MROH1: variants seen among roughly 807,000 people sequenced by gnomAD.
MROH1 encodes maestro heat like repeat family member 1.
Under a neutral mutation model 116.5 loss-of-function variants are expected in MROH1, and 117 were observed. That is an observed-to-expected ratio of 1.00 (90% CI 0.86 to 1.17). The LOEUF is 1.17. MROH1 is among the 50% of genes most tolerant of loss of function. The pLI, the probability that MROH1 is intolerant of heterozygous loss-of-function variation, is 0.00. For missense variants in MROH1, 1,873 were observed against 1,338.5 expected (o/e 1.40, Z -6.23); for synonymous variants, 921 against 583.9 (o/e 1.58, Z -8.32).
intron 12 of MROH1, among the ~76,000 whole-genome samples, chr8:144,215,241 T>C (rs867243967): frequency 2.9e-4 from 44 of 152,248 alleles, no homozygotes; most frequent in African/African-American, 1.0e-3. Flanking sequence ...TGATTGTCTG[T>C]AATCTAAAAA....
intron 7 of MROH1, among the ~76,000 whole-genome samples, chr8:144,187,147 A>G (rs1051594283): frequency 2.0e-5 from 3 of 152,032 alleles, no homozygotes; most frequent in Admixed American, 1.3e-4. Context: ...ATGGTGGCCT[A>G]CGCCTGTAAT....
At chr8:144,216,862 G>C (rs1486152817) in intron 12 of MROH1, among the ~76,000 whole-genome samples, 2 of 151,974 alleles carry the variant, frequency 1.3e-5, no homozygotes, top group Admixed American at 6.6e-5. Context: ...GCTAATTTTT[G>C]TATCTTTAGT....
intron 35 of MROH1, among the ~76,000 whole-genome samples, chr8:144,258,499 C>T (rs983756134): frequency 3.9e-5 from 6 of 152,186 alleles, no homozygotes; most frequent in African/African-American, 1.4e-4. Flanking sequence ...AGCCAGAGGG[C>T]TTTGCCTGTG....
At chr8:144,196,482 G>C (rs970000379) in intron 10 of MROH1, among the ~76,000 whole-genome samples, 1 of 150,850 alleles carries the variant, frequency 6.6e-6, no homozygotes, top group Non-Finnish European at 1.5e-5. Context: ...TCAGCCTCCC[G>C]AGTAGCTGGG....
chr8:144,196,116 C>T (rs1829832333), intron 10 of MROH1, among the ~76,000 whole-genome samples: 1 of 151,658 alleles, frequency 6.6e-6, no homozygotes, highest in Admixed American at 6.6e-5. Flanking sequence ...TAGTGAAACC[C>T]TGTCTCTACT....
intron 12 of MROH1, among the ~76,000 whole-genome samples, chr8:144,209,329 C>T (rs1016145894): frequency 6.6e-6 from 1 of 151,866 alleles, no homozygotes; most frequent in Non-Finnish European, 1.5e-5. Flanking sequence ...GCCTGTAATC[C>T]CGGCACTTTG....
At chr8:144,196,958 G>A (rs1293141971) in intron 10 of MROH1, among the ~76,000 whole-genome samples, 1 of 80,876 alleles carries the variant, frequency 1.2e-5, no homozygotes, top group African/African-American at 5.1e-5. Context: ...GCCAGGCGTG[G>A]TGGCACACAC....
In MROH1 at chr8:144,250,295, G is replaced by T. The variant is rs1019795236; in HGVS notation, c.3357G>T (p.Val1119=). 14 of 767,414 alleles carry T rather than the reference G, an allele frequency of 1.8e-5. No homozygotes were observed. The highest frequency in any genetic ancestry group is 3.4e-5 in the Admixed American group (2 of 58,248). 47.5% of individuals were successfully genotyped at this position (767,414 alleles called of 1,614,324 possible). A position where few individuals can be genotyped will look rare whatever the true frequency, so the allele number is the denominator to read the frequency against. The change falls in exon 33 of 44, where the codon GTG becomes GTT. Residue 1119 remains valine, a synonymous_variant. Transcript: ENST00000326134. ...EHVLPAAQHS[V]YLLATQHCAA... ...TCCTGCCGGCCGCCCAGCACAGCGTGTACCTCCTGGCCACCCAGCACTGCG... is the reference window on the plus strand; with the variant it reads ...TCCTGCCGGCCGCCCAGCACAGCGTTTACCTCCTGGCCACCCAGCACTGCG...
chr8:144,163,734 G>T lies in MROH1; in HGVS notation c.-56-37G>T. 1 of 1,313,870 alleles carries T rather than the reference G, an allele frequency of 7.6e-7. No homozygotes were observed. The highest frequency in any genetic ancestry group is 1.1e-6 in the Non-Finnish European group (1 of 918,158). 81.4% of individuals were successfully genotyped at this position (1,313,870 alleles called of 1,614,324 possible). A position where few individuals can be genotyped will look rare whatever the true frequency, so the allele number is the denominator to read the frequency against. On this transcript the variant is annotated intron_variant, in intron 2 of 43. Transcript: ENST00000326134. This position sits in a 1 kb window ranked among gnomAD's most constrained non-coding sequence, Gnocchi z 4.4. Reference sequence around the variant, plus strand: ...GCCTGTGAACTCAGATATCGTAGAGGCTTATGAATTAAATCTTGTGATTTT... The same window carrying T: ...GCCTGTGAACTCAGATATCGTAGAGTCTTATGAATTAAATCTTGTGATTTT...
At chr8:144,240,041 G>A (rs891302341) in intron 18 of MROH1, 60 bp from the exon 19 acceptor site, 1 of 745,896 alleles carries the variant, frequency 1.3e-6, no homozygotes, top group Non-Finnish European at 2.5e-6. Context: ...GGCAGGTGCT[G>A]GGCTCTGAGC....
chr8:144,150,033 G>GC (rs1263108854), intron 1 of MROH1, among the ~76,000 whole-genome samples: 1 of 152,158 alleles, frequency 6.6e-6, no homozygotes, highest in Non-Finnish European at 1.5e-5. Flanking sequence ...CACACACCCA[G>GC]CCCTGCAGGC....
chr8:144,195,212 A>AAAAAAAAAAAAAAAAAAAAAAAAAC (rs1829563540), intron 10 of MROH1, among the ~76,000 whole-genome samples: 1 of 138,682 alleles, frequency 7.2e-6, no homozygotes, highest in Non-Finnish European at 1.6e-5. Context: ...AAAAAAAAAA[A>AAAAAAAAAAAAAAAAAAAAAAAAAC]AAAAAAAGGC....
intron 10 of MROH1, among the ~76,000 whole-genome samples, chr8:144,198,508 C>T (rs1330219033): frequency 6.6e-6 from 1 of 152,228 alleles, no homozygotes; most frequent in Non-Finnish European, 1.5e-5. Flanking sequence ...GCCTCAACCT[C>T]CCGGGCTCAG....
chr8:144,213,222 A>G (rs1834548849), intron 12 of MROH1: 2 of 659,424 alleles, frequency 3.0e-6, no homozygotes, highest in Non-Finnish European at 5.6e-6. Context: ...TCCTCTGTTC[A>G]TGGCTCTCTG....
chr8:144,254,700 G>A (rs1843390799), intron 33 of MROH1, 113 bp from the exon 34 acceptor site: 1 of 627,362 alleles, frequency 1.6e-6, no homozygotes, highest in South Asian at 1.8e-5. Context: ...CTGCAGCTGA[G>A]CCTGGTGGCT....
chr8:144,238,337 C>T (rs1276185033), intron 14 of MROH1, among the ~76,000 whole-genome samples: 5 of 152,248 alleles, frequency 3.3e-5, no homozygotes, highest in Non-Finnish European at 5.9e-5. Context: ...CTTACAGGGA[C>T]GCCTTCTGGG....
intron 1 of MROH1, among the ~76,000 whole-genome samples, chr8:144,149,205 T>A (rs992448223): frequency 1.6e-4 from 24 of 152,148 alleles, no homozygotes; most frequent in Non-Finnish European, 3.1e-4. Flanking sequence ...GTGACGTGGC[T>A]GCATGGACAG....
chr8:144,239,686 CCAAA>C lies in MROH1; in HGVS notation c.1708_1711del (p.Asn570PhefsTer38). ...GCTGCGCCTCCTCAGTGTTCTGCACCCAAACATTCACCCTTTGCTGGGTCAGCAT... is the reference window on the plus strand; with the variant it reads ...GCTGCGCCTCCTCAGTGTTCTGCACCCATTCACCCTTTGCTGGGTCAGCAT... On this transcript the variant is annotated frameshift_variant, in exon 18 of 44. Coordinates refer to ENST00000326134, the MANE Select transcript of MROH1 (RefSeq NM_032450.3). LOFTEE classifies it high-confidence loss of function. 2.7e-6 allele frequency: 2 copies of C among 748,640 alleles called. No homozygotes were observed. Among genetic ancestry groups the C allele is most frequent in the Non-Finnish European group, 5.0e-6 (2 of 402,374 alleles). 46.4% of individuals were successfully genotyped at this position (748,640 alleles called of 1,614,324 possible).
rs1844880036 is a variant in MROH1, at chr8:144,260,719, C to T, written c.4423C>T (p.His1475Tyr). ...FRTASIRLFG[H>Y]LNKVCHGDCE... The stretch of plus-strand genomic sequence containing the variant: ...GACGGCATCTATCCGCCTCTTTGGG[C>T]ACCTTAACAAGGTCTGCCACGGAGA... The change falls in exon 40 of 44, where the codon CAC (histidine) becomes TAC (tyrosine). Residue 1475 changes from histidine to tyrosine, a missense_variant. Physicochemically the swap from His to Tyr is moderately conservative, Grantham distance 83. Coordinates refer to ENST00000326134, the MANE Select transcript of MROH1 (RefSeq NM_032450.3). The T allele has an allele frequency of 1.3e-6, 1 of 779,640 alleles. No individual in the cohort carries two copies. Among genetic ancestry groups the T allele is most frequent in the South Asian group, 1.3e-5 (1 of 74,614 alleles). The allele number at this position is 779,640 out of a possible 1,614,324, so 48.3% of individuals were successfully genotyped here.
Sources: gnomAD v4.1 joint callset for allele counts (sites outside exome capture counted in the v4.1 genomes callset) on GRCh38, gnomAD v4.1.1 for gene constraint, Gnocchi (gnomAD v3.1) non-coding constraint, MANE v1.5 for transcripts, NCBI Gene and HGNC (gene_info 2026-07-23, HGNC 2026-07-21) for gene names.